Variants in PNLIPRP3 observed in about 807,000 individuals in gnomAD.
PNLIPRP3 encodes pancreatic lipase related protein 3, also known as pancreatic lipase-related protein 3.
In PNLIPRP3, 58 loss-of-function variants were observed where a neutral mutation model predicts 52.8. The observed-to-expected ratio is 1.10, with a 90% CI of 0.89 to 1.37. PNLIPRP3 has a LOEUF of 1.37. PNLIPRP3 is among the 40% of genes most tolerant of loss of function. The pLI is 0.00. For synonymous variants in PNLIPRP3, 192 were observed against 185.0 expected, an observed-to-expected ratio of 1.04 and a Z score of -0.31; for missense variants, 593 against 561.6, an observed-to-expected ratio of 1.06 and a Z score of -0.57.
At chr10:116,473,728 C>T (rs1237161261) in intron 10 of PNLIPRP3, among the ~76,000 whole-genome samples, 1 of 151,914 alleles carries the variant, frequency 6.6e-6, no homozygotes, top group Non-Finnish European at 1.5e-5. Flanking sequence ...ACCATGTTTG[C>T]CAGGCTGATC....
chr10:116,470,668 T>C (rs1846355035), intron 9 of PNLIPRP3, among the ~76,000 whole-genome samples: 1 of 151,668 alleles, frequency 6.6e-6, no homozygotes, highest in Non-Finnish European at 1.5e-5. Context: ...GCCACCACGC[T>C]AGGCTAGTTT....
At chr10:116,454,439 G>A (rs1434261306) in intron 4 of PNLIPRP3, among the ~76,000 whole-genome samples, 2 of 152,112 alleles carry the variant, frequency 1.3e-5, no homozygotes, top group Non-Finnish European at 2.9e-5. Context: ...TTTTAATAAT[G>A]AGAGTGTTTT....
chr10:116,437,253 T>C (rs1172460198), intron 2 of PNLIPRP3, among the ~76,000 whole-genome samples: 2 of 152,168 alleles, frequency 1.3e-5, no homozygotes, highest in Non-Finnish European at 2.9e-5. Context: ...CAAATACCTT[T>C]CTTGCAACAC....
intron 10 of PNLIPRP3, among the ~76,000 whole-genome samples, chr10:116,474,016 G>A (rs1846418997): frequency 6.7e-6 from 1 of 149,334 alleles, no homozygotes; most frequent in Non-Finnish European, 1.5e-5. Flanking sequence ...CAAAGCTGGA[G>A]GCATCATGCT....
intron 10 of PNLIPRP3, among the ~76,000 whole-genome samples, chr10:116,473,964 A>AAT (rs1846417767): frequency 6.6e-6 from 1 of 151,494 alleles, no homozygotes; most frequent in Non-Finnish European, 1.5e-5. Flanking sequence ...AAAAAAAAAA[A>AAT]AAAAGATCCC....
At chr10:116,445,331 ATGG>A (rs1252529767) in intron 4 of PNLIPRP3, among the ~76,000 whole-genome samples, 2 of 152,250 alleles carry the variant, frequency 1.3e-5, no homozygotes, top group Non-Finnish European at 2.9e-5. Flanking sequence ...AGAATGGAGA[ATGG>A]CAGAAGCAGA....
At chr10:116,459,290 A>G (rs891220287) in intron 5 of PNLIPRP3, among the ~76,000 whole-genome samples, 1 of 151,954 alleles carries the variant, frequency 6.6e-6, no homozygotes, top group African/African-American at 2.4e-5. Context: ...ATAAAAAAAA[A>G]AAAAAACACA....
At chr10:116,440,236 A>T (rs913248974) in intron 2 of PNLIPRP3, among the ~76,000 whole-genome samples, 1 of 152,118 alleles carries the variant, frequency 6.6e-6, no homozygotes, top group Admixed American at 6.5e-5. Flanking sequence ...TTATCCTTTT[A>T]TATAAGTGGC....
At chr10:116,438,873 A>G (rs914925679) in intron 2 of PNLIPRP3, among the ~76,000 whole-genome samples, 2 of 152,204 alleles carry the variant, frequency 1.3e-5, no homozygotes, top group Non-Finnish European at 2.9e-5. Flanking sequence ...TTTTATAATT[A>G]TCAAGAAGTA....
In PNLIPRP3 at chr10:116,443,043, T is replaced by G. The variant is rs776517028; in HGVS notation, c.205-12T>G. ...TTATTATTTTTCCTTAATCTCTTTC[T>G]GCTTGAAACAGGAGATCAGTGCGGT... is the stretch of plus-strand genomic sequence containing the variant. On this transcript the variant is annotated splice_polypyrimidine_tract_variant and intron_variant, in intron 2 of 11. Transcript: ENST00000369230. 1 of 1,555,294 alleles carries G rather than the reference T, an allele frequency of 6.4e-7. No homozygotes were observed. The highest frequency in any genetic ancestry group is 8.7e-7 in the Non-Finnish European group (1 of 1,144,988).
At chr10:116,467,283 T>C (rs1217107778) in intron 8 of PNLIPRP3, among the ~76,000 whole-genome samples, 1 of 152,164 alleles carries the variant, frequency 6.6e-6, no homozygotes, top group Admixed American at 6.5e-5. Flanking sequence ...TCCCAGCTAC[T>C]TGGGAGGTTG....
intron 5 of PNLIPRP3, among the ~76,000 whole-genome samples, chr10:116,460,644 A>T (rs549659395): frequency 6.6e-6 from 1 of 152,336 alleles, no homozygotes; most frequent in East Asian, 1.9e-4. Flanking sequence ...TTGCCTACAA[A>T]TGTTGCTTTT....
intron 4 of PNLIPRP3, among the ~76,000 whole-genome samples, chr10:116,449,871 C>A (rs1300604201): frequency 6.6e-6 from 1 of 152,130 alleles, no homozygotes; most frequent in African/African-American, 2.4e-5. Flanking sequence ...TTAGCCAACT[C>A]AAGAAGATTG....
chr10:116,449,812 A>T (rs1846009924), intron 4 of PNLIPRP3, among the ~76,000 whole-genome samples: 1 of 152,202 alleles, frequency 6.6e-6, no homozygotes, highest in Non-Finnish European at 1.5e-5. Flanking sequence ...TCTCAGGTAC[A>T]CACAGAACCT....
chr10:116,455,933 T>G (rs1286148820), intron 5 of PNLIPRP3, 103 bp downstream of exon 5: 1 of 809,904 alleles, frequency 1.2e-6, no homozygotes, highest in African/African-American at 1.7e-5. Flanking sequence ...AAATATAAGA[T>G]ACTACAAAAT....
At chr10:116,469,058 A>T in intron 8 of PNLIPRP3, 127 bp from the exon 9 acceptor site, 1 of 950,806 alleles carries the variant, frequency 1.1e-6, no homozygotes, top group Non-Finnish European at 1.5e-6. Flanking sequence ...CCTGTTAGGC[A>T]CTTTTAAAAT....
chr10:116,456,335 G>A (rs1180146878), intron 5 of PNLIPRP3, among the ~76,000 whole-genome samples: 1 of 152,172 alleles, frequency 6.6e-6, no homozygotes, highest in African/African-American at 2.4e-5. Flanking sequence ...GAGAAGGACT[G>A]TAATGTTCCC....
At chr10:116,476,630 C>T (rs553343087) in intron 10 of PNLIPRP3, 22 bp from the exon 11 acceptor site, 34 of 1,538,290 alleles carry the variant, frequency 2.2e-5, no homozygotes, top group Middle Eastern at 1.8e-4. Flanking sequence ...TGCAAACTTA[C>T]GAGTCTTATT....
At chr10:116,477,005 C>T (rs1240149508) in intron 11 of PNLIPRP3, 85 bp from the exon 12 acceptor site, 2 of 1,244,310 alleles carry the variant, frequency 1.6e-6, no homozygotes, top group Non-Finnish European at 2.3e-6. Context: ...ATAAGAATTA[C>T]TCATTAAATC....
Sources: allele counts gnomAD v4.1 joint callset (sites outside exome capture counted in the v4.1 genomes callset), GRCh38; gene constraint gnomAD v4.1.1; transcripts MANE v1.5; gene names NCBI Gene and HGNC (gene_info 2026-07-23, HGNC 2026-07-21).